Variants in CAVIN4 observed in about 807,000 individuals in gnomAD.
CAVIN4 encodes the protein caveolae associated protein 4.
A neutral mutation model predicts 18.6 loss-of-function variants in CAVIN4; 10 were observed. The observed-to-expected ratio is 0.54, with a 90% CI of 0.33 to 0.91. CAVIN4 has a LOEUF of 0.91. Ranked by LOEUF, CAVIN4 falls within the 40% of genes least tolerant of loss-of-function variation. The pLI, the probability that CAVIN4 is intolerant of heterozygous loss-of-function variation, is 0.02. For missense variants in CAVIN4, 459 were observed against 440.5 expected (o/e 1.04, Z -0.38); for synonymous variants, 173 against 164.8 (o/e 1.05, Z -0.38).
Position 100,586,195 on chromosome 9 carries a change from G to A in CAVIN4, c.839G>A (p.Arg280Gln). The A allele has an allele frequency of 2.6e-6, 4 of 1,558,764 alleles. No homozygotes were observed. Among genetic ancestry groups the A allele is most frequent in the East Asian group, 2.3e-5 (1 of 44,444 alleles). The change falls in exon 2 of 2, where the codon CGA becomes CAA. Residue 280 changes from arginine (R) to glutamine (Q), a missense_variant. Transcript: ENST00000307584. Reference sequence around the variant, plus strand: ...CGCAGCCTCAGGAAAGGTAAGGACCGAACAGTGGCTGAAGGTGAGGAATGT... The same window carrying A: ...CGCAGCCTCAGGAAAGGTAAGGACCAAACAGTGGCTGAAGGTGAGGAATGT... ...KMRSLRKGKD[R>Q]TVAEGEECAR...
rs1249172277 is a variant in CAVIN4 at position 100,587,407 on chromosome 9, T to G, written c.*956T>G. On this transcript the variant is annotated 3_prime_UTR_variant, in exon 2 of 2. Transcript: ENST00000307584. ...GTGACTATGTTTCTAAAGTCGGCCC[T>G]GATGCATTGGGTTTGGAAATGACCA... The G allele has an allele frequency of 6.6e-6, 1 of 152,198 alleles. No homozygotes were observed. Among genetic ancestry groups the G allele is most frequent in the African/African-American group, 2.4e-5 (1 of 41,442 alleles). 9.4% of individuals were successfully genotyped at this position (152,198 alleles called of 1,614,324 possible).
At chr9:100,579,698 A>T (rs1308835760) in intron 1 of CAVIN4, among the ~76,000 whole-genome samples, 4 of 152,234 alleles carry the variant, frequency 2.6e-5, no homozygotes, top group African/African-American at 9.6e-5. Context: ...TGTTATTTTT[A>T]AAAATGACAC....
In CAVIN4 at chr9:100,587,870, A is replaced by G. The variant is rs1049318935; in HGVS notation, c.*1419A>G. Reference sequence around the variant, plus strand: ...GTGCCACTGCACTCAAGCCTGGGCAAAAGAGCCAGACTCTGTTTCAAAAAA... The same window carrying G: ...GTGCCACTGCACTCAAGCCTGGGCAGAAGAGCCAGACTCTGTTTCAAAAAA... On this transcript the variant is annotated 3_prime_UTR_variant, in exon 2 of 2. Coordinates refer to ENST00000307584, the MANE Select transcript of CAVIN4 (RefSeq NM_001018116.2). 1 of 152,262 alleles carries G rather than the reference A, an allele frequency of 6.6e-6. No individual in the cohort carries two copies. The highest frequency in any genetic ancestry group is 6.5e-5 in the Admixed American group (1 of 15,282). 9.4% of individuals were successfully genotyped at this position (152,262 alleles called of 1,614,324 possible).
upstream of CAVIN4, chr9:100,577,935 A>G: frequency 5.9e-6 from 3 of 510,608 alleles, no homozygotes; most frequent in Middle Eastern, 1.1e-3. Context: ...GTCAGCAAGC[A>G]TGTTTGGAAC....
rs1471336029 is a variant in CAVIN4, at chr9:100,586,220, T to G, written c.864T>G (p.Cys288Trp). The change falls in exon 2 of 2, where the codon TGT (cysteine) becomes TGG (tryptophan). Residue 288 changes from cysteine to tryptophan, a missense_variant. Physicochemically the swap from Cys to Trp is radical, Grantham distance 215. Transcript: ENST00000307584. Reference protein sequence around the residue: ...KDRTVAEGEECAREMGVDIIA... With the variant: ...KDRTVAEGEEWAREMGVDIIA... ...GAACAGTGGCTGAAGGTGAGGAATG[T>G]GCCAGGGAGATGGGTGTGGACATCA... 1.3e-6 allele frequency: 2 copies of G among 1,562,398 alleles called. No homozygotes were observed. Among genetic ancestry groups the G allele is most frequent in the Admixed American group, 3.8e-5 (2 of 52,590 alleles).
chr9:100,586,218 T>C lies in CAVIN4; in HGVS notation c.862T>C (p.Cys288Arg). The stretch of plus-strand genomic sequence containing the variant: ...CCGAACAGTGGCTGAAGGTGAGGAA[T>C]GTGCCAGGGAGATGGGTGTGGACAT... The part of the protein sequence containing the change: ...KDRTVAEGEE[C>R]AREMGVDIIA... Residue 288 changes from cysteine (C) to arginine (R), a missense_variant, in exon 2 of 2, where the codon TGT (cysteine) becomes CGT (arginine). Transcript: ENST00000307584. 1.9e-6 allele frequency: 3 copies of C among 1,559,174 alleles called. No homozygotes were observed. The highest frequency in any genetic ancestry group is 2.5e-5 in the South Asian group (2 of 80,682).
intron 1 of CAVIN4, 80 bp from the exon 2 acceptor site, chr9:100,585,685 C>T (rs1839467882): frequency 9.2e-7 from 1 of 1,091,290 alleles, no homozygotes; most frequent in Non-Finnish European, 1.4e-6. Flanking sequence ...TGGAGATTTA[C>T]AAGGCATGGC....
Position 100,582,271 on chromosome 9 carries a change from G to T in CAVIN4, c.409-3494G>T, listed in dbSNP as rs111920557. Among the ~76,000 whole-genome samples, 734 of 152,248 alleles carry T rather than the reference G, an allele frequency of 4.8e-3. 5 individuals carry two copies. Among genetic ancestry groups the T allele is most frequent in the African/African-American group, 0.016 (680 of 41,536 alleles). On this transcript the variant is annotated intron_variant, in intron 1 of 1. Transcript: ENST00000307584. ...GGCTGGCTCTCAAGGTTTCCAGTGT[G>T]TGTCATGTCCCAAATCCAATTCTCA... is the stretch of plus-strand genomic sequence containing the variant.
rs1332922647 is a variant in CAVIN4, at chr9:100,586,368, G to A, written c.1012G>A (p.Glu338Lys). 8 of 1,613,892 alleles carry A rather than the reference G, an allele frequency of 5.0e-6. No individual in the cohort carries two copies. The highest frequency in any genetic ancestry group is 1.7e-5 in the Admixed American group (1 of 59,994). The stretch of plus-strand genomic sequence containing the variant: ...TGAAGGAAGGGAAATCCCCACCCCC[G>A]AGCCTTTAAAAGTTACTTTTAAATC... ...PHEGREIPTP[E>K]PLKVTFKSQV... The change falls in exon 2 of 2, where the codon GAG becomes AAG. Residue 338 changes from glutamate to lysine, a missense_variant. Glu to Lys is a moderately conservative substitution (Grantham distance 56, BLOSUM62 1). Coordinates refer to ENST00000307584, the MANE Select transcript of CAVIN4 (RefSeq NM_001018116.2).
intron 1 of CAVIN4, among the ~76,000 whole-genome samples, chr9:100,580,033 T>C (rs1268563293): frequency 6.6e-5 from 10 of 151,854 alleles, no homozygotes; most frequent in Admixed American, 2.6e-4. Flanking sequence ...AAGTTCTTTA[T>C]CATTTCCCTT....
intron 1 of CAVIN4, among the ~76,000 whole-genome samples, chr9:100,582,960 C>G (rs901105024): frequency 6.6e-6 from 1 of 152,022 alleles, no homozygotes; most frequent in Non-Finnish European, 1.5e-5. Flanking sequence ...AATGTTTCTT[C>G]CAAGATCTTG....
At position 100,586,035 on chromosome 9, in the gene CAVIN4, A is replaced by T; in HGVS notation, c.679A>T (p.Thr227Ser). 6.2e-7 allele frequency: 1 copy of T among 1,614,120 alleles called. No individual in the cohort carries two copies. Among genetic ancestry groups the T allele is most frequent in the South Asian group, 1.1e-5 (1 of 91,072 alleles). ...GAACAGAATTAGAACTAGAATAGTG[A>T]CCCCGGAGAGGAGAGAGAGGCTAAG... Reference protein sequence around the residue: ...KVNRIRTRIVTPERRERLRQS... With the variant: ...KVNRIRTRIVSPERRERLRQS... The change falls in exon 2 of 2, where the codon ACC becomes TCC. Residue 227 changes from threonine (T) to serine (S), a missense_variant. Thr to Ser is a moderately conservative substitution (Grantham distance 58). Transcript: ENST00000307584.
In CAVIN4 at chr9:100,586,176, C is replaced by T; in HGVS notation, c.820C>T (p.Leu274Phe). Reference sequence around the variant, plus strand: ...AAAGGAAGCTTTTAAGATGCGCAGCCTCAGGAAAGGTAAGGACCGAACAGT... The same window carrying T: ...AAAGGAAGCTTTTAAGATGCGCAGCTTCAGGAAAGGTAAGGACCGAACAGT... ...PSKEAFKMRS[L>F]RKGKDRTVAE... is the part of the protein sequence containing the mutation. Residue 274 changes from leucine (L) to phenylalanine (F), a missense_variant, in exon 2 of 2, where the codon CTC becomes TTC. By Grantham distance (22) the Leu-to-Phe change is conservative. Transcript: ENST00000307584. 6.4e-7 allele frequency: 1 copy of T among 1,561,292 alleles called. No homozygotes were observed. Among genetic ancestry groups the T allele is most frequent in the Non-Finnish European group, 8.6e-7 (1 of 1,156,894 alleles).
chr9:100,585,675 T>C, intron 1 of CAVIN4, 90 bp from the exon 2 acceptor site: 2 of 977,036 alleles, frequency 2.0e-6, no homozygotes, highest in Non-Finnish European at 3.2e-6. Context: ...AAACAGCCCA[T>C]GGAGATTTAC....
intron 1 of CAVIN4, among the ~76,000 whole-genome samples, chr9:100,585,186 C>T (rs1338312378): frequency 6.6e-6 from 1 of 152,018 alleles, no homozygotes; most frequent in Non-Finnish European, 1.5e-5. Context: ...GGGCCGGAAT[C>T]AAGACATTGG....
chr9:100,585,473 A>G (rs1254813806), intron 1 of CAVIN4, among the ~76,000 whole-genome samples: 3 of 152,208 alleles, frequency 2.0e-5, no homozygotes. Flanking sequence ...TCTGCCCATC[A>G]TTCACACATG....
At position 100,586,131 on chromosome 9, in the gene CAVIN4, A is replaced by T; in HGVS notation, c.775A>T (p.Ile259Phe). 6.3e-7 allele frequency: 1 copy of T among 1,587,032 alleles called. No individual in the cohort carries two copies. Among genetic ancestry groups the T allele is most frequent in the Non-Finnish European group, 8.6e-7 (1 of 1,167,678 alleles). ...RQSGERFKKS[I>F]SNAAPSKEAF... is the part of the protein sequence containing the mutation. ...GTCAGGGGAGAGGTTTAAGAAATCT[A>T]TTTCTAATGCAGCTCCCTCAAAGGA... is the stretch of plus-strand genomic sequence containing the variant. Residue 259 changes from isoleucine to phenylalanine, a missense_variant, in exon 2 of 2, where the codon ATT becomes TTT. By Grantham distance (21) the Ile-to-Phe change is conservative (BLOSUM62 0). Transcript: ENST00000307584.
In CAVIN4 at chr9:100,582,552, G is replaced by C. The variant is rs377683466; in HGVS notation, c.409-3213G>C. Among the ~76,000 whole-genome samples the C allele has an allele frequency of 9.2e-5, 14 of 152,074 alleles. No individual in the cohort carries two copies. In the East Asian group the frequency reaches 9.7e-4, roughly 11 times the overall value. On this transcript the variant is annotated intron_variant, in intron 1 of 1. Coordinates refer to ENST00000307584, the MANE Select transcript of CAVIN4 (RefSeq NM_001018116.2). ...GTGGAGGTCTCACTTTGTTGCCTGG[G>C]CTGGTCTTGGCCTCAAGTGATCCTC...
chr9:100,586,245 A>G lies in CAVIN4; in HGVS notation c.889A>G (p.Ile297Val). The change falls in exon 2 of 2, where the codon ATT becomes GTT. Residue 297 changes from isoleucine to valine, a missense_variant. Coordinates refer to ENST00000307584, the MANE Select transcript of CAVIN4 (RefSeq NM_001018116.2). ...ECAREMGVDIIARSESLGPIS... is the reference protein window; with the variant it reads ...ECAREMGVDIVARSESLGPIS... ...TGCCAGGGAGATGGGTGTGGACATC[A>G]TTGCCAGGAGCGAGTCTCTGGGCCC... 1.9e-6 allele frequency: 3 copies of G among 1,577,276 alleles called. No homozygotes were observed. Among genetic ancestry groups the G allele is most frequent in the Middle Eastern group, 1.7e-4 (1 of 5,860 alleles).
Sources: gnomAD v4.1 joint callset for allele counts (sites outside exome capture counted in the v4.1 genomes callset) on GRCh38, gnomAD v4.1.1 for gene constraint, MANE v1.5 for transcripts, NCBI Gene and HGNC (gene_info 2026-07-23, HGNC 2026-07-21) for gene names.